L3MBTL3: variants seen among roughly 807,000 people sequenced by gnomAD.
L3MBTL3 encodes L3MBTL histone methyl-lysine binding protein 3.
L3MBTL3 carries 27 observed loss-of-function variants against 102.3 expected under a neutral mutation model. The ratio of observed to expected loss-of-function variants is 0.26; its 90% confidence interval spans 0.19 to 0.36. The LOEUF (loss-of-function observed/expected upper bound fraction) is 0.36. Among genes scored for constraint, L3MBTL3 ranks in the 10% least tolerant of loss-of-function variants. The probability of loss-of-function intolerance (pLI) is 1.00; values close to 1 mark genes in which losing one functional copy is unlikely to be tolerated. For missense variants in L3MBTL3, 798 were observed against 955.3 expected, an observed-to-expected ratio of 0.84 and a Z score of 2.17; for synonymous variants, 340 against 320.9, an observed-to-expected ratio of 1.06 and a Z score of -0.64.
chr6:130,088,911 G>A (rs1783858648), intron 16 of L3MBTL3, among the ~76,000 whole-genome samples: 1 of 152,034 alleles, frequency 6.6e-6, no homozygotes, highest in Non-Finnish European at 1.5e-5. Flanking sequence ...TCACTGTTGA[G>A]CAAAGTAGTC....
intron 11 of L3MBTL3, among the ~76,000 whole-genome samples, chr6:130,066,855 ACTAATT>A (rs1782292556): frequency 6.6e-6 from 1 of 152,192 alleles, no homozygotes; most frequent in Non-Finnish European, 1.5e-5. Flanking sequence ...ACTGGTTTAA[ACTAATT>A]TTTCAAATCA....
At chr6:130,048,969 CAT>C (rs1475917395) in intron 3 of L3MBTL3, among the ~76,000 whole-genome samples, 5 of 151,556 alleles carry the variant, frequency 3.3e-5, no homozygotes, top group African/African-American at 9.7e-5. Context: ...CACACACACA[CAT>C]ACACACACAA....
At chr6:130,097,040 G>T (rs1301392468) in intron 18 of L3MBTL3, among the ~76,000 whole-genome samples, 1 of 152,152 alleles carries the variant, frequency 6.6e-6, no homozygotes, top group African/African-American at 2.4e-5. Context: ...ACTCCTGGAG[G>T]TCCCAGTTTC....
At chr6:130,120,302 A>T (rs1786056792) in intron 19 of L3MBTL3, among the ~76,000 whole-genome samples, 1 of 152,164 alleles carries the variant, frequency 6.6e-6, no homozygotes, top group African/African-American at 2.4e-5. Context: ...ACTGTAATGG[A>T]TCTATTCCAT....
At chr6:130,064,190 C>A (rs1313355738) in intron 10 of L3MBTL3, among the ~76,000 whole-genome samples, 2 of 152,018 alleles carry the variant, frequency 1.3e-5, no homozygotes, top group East Asian at 3.9e-4. Context: ...GATATCAGGG[C>A]AGAAATTTTA....
At chr6:130,076,094 T>G (rs1217894010) in intron 13 of L3MBTL3, among the ~76,000 whole-genome samples, 1 of 152,124 alleles carries the variant, frequency 6.6e-6, no homozygotes, top group African/African-American at 2.4e-5. Context: ...AGTTCACATA[T>G]AAGGGGAGCC....
intron 17 of L3MBTL3, among the ~76,000 whole-genome samples, chr6:130,093,598 AC>A (rs2115242544): frequency 6.6e-6 from 1 of 152,318 alleles, no homozygotes; most frequent in East Asian, 1.9e-4. Context: ...TGCTGTAGAA[AC>A]TATGCAGTAG....
chr6:130,053,577 A>T (rs1215945226), intron 7 of L3MBTL3, among the ~76,000 whole-genome samples: 1 of 150,954 alleles, frequency 6.6e-6, no homozygotes, highest in African/African-American at 2.4e-5. Context: ...GGAGCTTGCA[A>T]TGAGCTGAGA....
chr6:130,058,172 A>C (rs1781649792), intron 9 of L3MBTL3, among the ~76,000 whole-genome samples: 1 of 147,186 alleles, frequency 6.8e-6, no homozygotes, highest in Non-Finnish European at 1.5e-5. Flanking sequence ...AAAAAAAAAA[A>C]AAAATGAGTT....
Position 130,042,699 on chromosome 6 carries a change from C to G in L3MBTL3, c.-1C>G. The stretch of plus-strand genomic sequence containing the variant: ...TCCCCTTTCAGGTTAAAAAATAAAT[C>G]ATGACTGAATCTGCCTCTAGCACAA... On this transcript the variant is annotated 5_prime_UTR_variant, in exon 3 of 23. In the 5' UTR this introduces an upstream ATG that the reference lacks. Coordinates refer to ENST00000361794, the MANE Select transcript of L3MBTL3 (RefSeq NM_032438.4). The G allele has an allele frequency of 6.2e-7, 1 of 1,606,342 alleles. No individual in the cohort carries two copies. The highest frequency in any genetic ancestry group is 8.5e-7 in the Non-Finnish European group (1 of 1,173,328).
chr6:130,106,699 A>T (rs1163278329), intron 19 of L3MBTL3, among the ~76,000 whole-genome samples: 2 of 152,002 alleles, frequency 1.3e-5, no homozygotes, highest in Admixed American at 6.6e-5. Flanking sequence ...TCTCCTAATC[A>T]TCTCCTCCCC....
chr6:130,088,666 T>C (rs1474369086), intron 16 of L3MBTL3, among the ~76,000 whole-genome samples: 1 of 152,166 alleles, frequency 6.6e-6, no homozygotes, highest in Non-Finnish European at 1.5e-5. Context: ...CCTCATTCCT[T>C]CCCACTCCCC....
intron 16 of L3MBTL3, among the ~76,000 whole-genome samples, chr6:130,090,736 A>G (rs562239561): frequency 6.8e-4 from 103 of 151,974 alleles, no homozygotes; most frequent in African/African-American, 2.4e-3. Context: ...AGCTGGGACT[A>G]CACTTAGCTT....
chr6:130,124,087 G>A (rs1466764992), intron 20 of L3MBTL3, among the ~76,000 whole-genome samples: 1 of 152,176 alleles, frequency 6.6e-6, no homozygotes, highest in Non-Finnish European at 1.5e-5. Flanking sequence ...AGAGGCCTTA[G>A]CCCATCCCAC....
intron 19 of L3MBTL3, among the ~76,000 whole-genome samples, chr6:130,107,126 T>TA (rs1366527591): frequency 6.6e-6 from 1 of 152,160 alleles, no homozygotes; most frequent in Non-Finnish European, 1.5e-5. Flanking sequence ...CATGACTTGA[T>TA]ACCTCTCCCT....
At chr6:130,078,698 G>A (rs377736111) in intron 14 of L3MBTL3, 64 bp downstream of exon 14, 21 of 1,072,506 alleles carry the variant, frequency 2.0e-5, no homozygotes, top group South Asian at 4.1e-5. Flanking sequence ...GACTTTTTCT[G>A]TAAAGGGCCA....
At chr6:130,101,595 T>C (rs970577971) in intron 18 of L3MBTL3, among the ~76,000 whole-genome samples, 8 of 152,146 alleles carry the variant, frequency 5.3e-5, no homozygotes, top group Admixed American at 3.3e-4. Context: ...TCCATGGAAC[T>C]GAGGACTACA....
At chr6:130,097,465 T>C (rs1271219905) in intron 18 of L3MBTL3, among the ~76,000 whole-genome samples, 1 of 152,220 alleles carries the variant, frequency 6.6e-6, no homozygotes, top group Admixed American at 6.5e-5. Flanking sequence ...GTTGTTACCT[T>C]CTCTGAAGAT....
At chr6:130,120,088 A>G (rs187086714) in intron 19 of L3MBTL3, among the ~76,000 whole-genome samples, 14 of 152,352 alleles carry the variant, frequency 9.2e-5, no homozygotes, top group Admixed American at 3.9e-4. Context: ...ACAGAATACT[A>G]TAAAGCACTA....
Sources: gnomAD v4.1 joint callset for allele counts (sites outside exome capture counted in the v4.1 genomes callset) on GRCh38, gnomAD v4.1.1 for gene constraint, MANE v1.5 for transcripts, NCBI Gene and HGNC (gene_info 2026-07-23, HGNC 2026-07-21) for gene names.